Variants in STXBP4 observed in about 807,000 individuals in gnomAD.
The protein encoded by STXBP4 is syntaxin binding protein 4.
In STXBP4, 55 loss-of-function variants were observed where a neutral mutation model predicts 76.1. The observed-to-expected ratio is 0.72, with a 90% CI of 0.58 to 0.91. STXBP4 has a LOEUF of 0.91. STXBP4 is among the 40% of genes least tolerant of loss of function. The probability of loss-of-function intolerance (pLI) is 0.00; values close to 1 mark genes in which losing one functional copy is unlikely to be tolerated. For missense variants in STXBP4, 618 were observed against 636.9 expected, an observed-to-expected ratio of 0.97 and a Z score of 0.32; for synonymous variants, 201 against 220.2, an observed-to-expected ratio of 0.91 and a Z score of 0.77.
rs1160603547 is a variant in STXBP4 at position 55,115,422 on chromosome 17, C to T, written c.1490-25888C>T. 1.3e-5 allele frequency among the ~76,000 whole-genome samples: 2 copies of T among 151,630 alleles called. 1 individual carries two copies. Among genetic ancestry groups the T allele is most frequent in the Non-Finnish European group, 3.0e-5 (2 of 67,728 alleles). On this transcript the variant is annotated intron_variant, in intron 16 of 17. Coordinates refer to ENST00000376352, the MANE Select transcript of STXBP4 (RefSeq NM_178509.6). Reference sequence around the variant, plus strand: ...TTCTAATCTAATCAGTCTTATAGTTCTTTGTATGTTTTCATTTGTTCAGGG... The same window carrying T: ...TTCTAATCTAATCAGTCTTATAGTTTTTTGTATGTTTTCATTTGTTCAGGG...
the STXBP4 span, among the ~76,000 whole-genome samples, chr17:55,185,090 A>G: frequency 2.5e-4 from 38 of 152,096 alleles, no homozygotes; most frequent in Non-Finnish European, 2.9e-5. Flanking sequence ...AGGCTGGTCT[A>G]GAACTCCTGG....
At chr17:55,054,446 A>G (rs921496050) in intron 12 of STXBP4, among the ~76,000 whole-genome samples, 1 of 152,178 alleles carries the variant, frequency 6.6e-6, no homozygotes, top group African/African-American at 2.4e-5. Context: ...CTGAGACTAC[A>G]CTGCACTCCA....
intron 8 of STXBP4, among the ~76,000 whole-genome samples, chr17:55,017,423 G>A (rs918493419): frequency 3.3e-5 from 5 of 152,170 alleles, no homozygotes; most frequent in Non-Finnish European, 5.9e-5. Flanking sequence ...TAGCCTAGAT[G>A]CCTAAGGACG....
intron 12 of STXBP4, among the ~76,000 whole-genome samples, chr17:55,053,979 A>G (rs2078893201): frequency 1.3e-5 from 2 of 152,156 alleles, no homozygotes; most frequent in Admixed American, 6.5e-5. Context: ...GAATCTAAGG[A>G]AAAATAGCAG....
chr17:55,037,715 C>T (rs2078627316), intron 10 of STXBP4, among the ~76,000 whole-genome samples: 1 of 152,106 alleles, frequency 6.6e-6, no homozygotes, highest in Non-Finnish European at 1.5e-5. Context: ...ACACCATACT[C>T]ACGTATATAA....
At chr17:54,969,182 C>T (rs971060968) in intron 1 of STXBP4, among the ~76,000 whole-genome samples, 2 of 152,142 alleles carry the variant, frequency 1.3e-5, no homozygotes, top group Non-Finnish European at 2.9e-5. Flanking sequence ...TCTGATGCCC[C>T]TTACAACTTG....
chr17:54,969,082 C>T (rs1272334291), intron 1 of STXBP4, among the ~76,000 whole-genome samples: 1 of 152,174 alleles, frequency 6.6e-6, no homozygotes, highest in African/African-American at 2.4e-5. Flanking sequence ...TATCACCTCT[C>T]TCAGGAAGCC....
chr17:55,146,994 G>A lies in STXBP4; in HGVS notation c.1547+5627G>A, dbSNP rs113677111. Among the ~76,000 whole-genome samples the A allele has an allele frequency of 2.5e-4, 38 of 152,298 alleles. 2 individuals carry two copies. Among genetic ancestry groups the A allele is most frequent in the African/African-American group, 7.9e-4 (33 of 41,560 alleles). On this transcript the variant is annotated intron_variant, in intron 17 of 17. Coordinates refer to ENST00000376352, the MANE Select transcript of STXBP4 (RefSeq NM_178509.6). ...CCAACCCTGGTTCAGTGTAAGAGGC[G>A]CCTACCTAAAAGTATGAATTCCAGA...
chr17:55,035,570 A>G (rs2078586558), intron 10 of STXBP4, among the ~76,000 whole-genome samples: 2 of 151,928 alleles, frequency 1.3e-5, no homozygotes, highest in South Asian at 2.1e-4. Flanking sequence ...TTATTTTCCT[A>G]TGTTTATAAG....
At chr17:55,014,935 G>T (rs906965549) in intron 8 of STXBP4, among the ~76,000 whole-genome samples, 15 of 151,018 alleles carry the variant, frequency 9.9e-5, no homozygotes, top group Non-Finnish European at 7.4e-5. Flanking sequence ...TGTCCCGTTT[G>T]TCCCGTTCTG....
In STXBP4 at chr17:55,172,999, A is replaced by G. The variant is rs1375286667; in HGVS notation, c.*13088A>G. 1 of 152,210 alleles carries G rather than the reference A, an allele frequency of 6.6e-6. No homozygotes were observed. The highest frequency in any genetic ancestry group is 1.5e-5 in the Non-Finnish European group (1 of 68,038). The allele number at this position is 152,210 out of a possible 1,614,324, so 9.4% of individuals were successfully genotyped here. ...TGCTGGAGCACCTTCTACTTCTAGAAAGATGTTGAGGGGCTTCCAGGGCAC... is the reference window on the plus strand; with the variant it reads ...TGCTGGAGCACCTTCTACTTCTAGAGAGATGTTGAGGGGCTTCCAGGGCAC... On this transcript the variant is annotated 3_prime_UTR_variant, in exon 18 of 18. Coordinates refer to ENST00000376352, the MANE Select transcript of STXBP4 (RefSeq NM_178509.6).
intron 3 of STXBP4, among the ~76,000 whole-genome samples, chr17:54,990,528 CCT>C (rs1285569779): frequency 1.3e-5 from 2 of 152,168 alleles, no homozygotes; most frequent in East Asian, 3.9e-4. Flanking sequence ...CAGGGCTCCC[CCT>C]GATTCTACAT....
At chr17:55,122,875 T>C (rs1350635998) in intron 16 of STXBP4, among the ~76,000 whole-genome samples, 1 of 152,184 alleles carries the variant, frequency 6.6e-6, no homozygotes, top group Non-Finnish European at 1.5e-5. Flanking sequence ...TTACAAGTAT[T>C]TTATCCAGTC....
the STXBP4 span, among the ~76,000 whole-genome samples, chr17:55,199,352 A>G: frequency 6.6e-6 from 1 of 152,220 alleles, no homozygotes; most frequent in Non-Finnish European, 1.5e-5. Flanking sequence ...AAATTATAGG[A>G]AGTGATCAAA....
At chr17:55,068,911 G>T (rs2043167115) in intron 12 of STXBP4, among the ~76,000 whole-genome samples, 2 of 152,020 alleles carry the variant, frequency 1.3e-5, no homozygotes, top group Admixed American at 6.6e-5. Context: ...CCTTGTGGGG[G>T]AAAAGTACTG....
intron 10 of STXBP4, among the ~76,000 whole-genome samples, chr17:55,034,849 G>T (rs1349151827): frequency 6.6e-6 from 1 of 151,934 alleles, no homozygotes; most frequent in Non-Finnish European, 1.5e-5. Flanking sequence ...TGTAAAATGG[G>T]ATTGTGAAGT....
chr17:55,064,652 C>T (rs1567745029), intron 12 of STXBP4, among the ~76,000 whole-genome samples: 1 of 152,024 alleles, frequency 6.6e-6, no homozygotes, highest in Non-Finnish European at 1.5e-5. Context: ...CCACCCGCCA[C>T]CCGCCACCAT....
the STXBP4 span, among the ~76,000 whole-genome samples, chr17:55,205,832 A>C: frequency 6.6e-6 from 1 of 152,132 alleles, no homozygotes; most frequent in Non-Finnish European, 1.5e-5. Context: ...AATATTTATC[A>C]AACTTTAAAA....
intron 1 of STXBP4, among the ~76,000 whole-genome samples, chr17:54,976,174 G>T (rs1160870602): frequency 6.6e-6 from 1 of 152,176 alleles, no homozygotes. Flanking sequence ...AGGCAGTCCG[G>T]TAGCCTAAGG....
Sources: allele counts gnomAD v4.1 joint callset (sites outside exome capture counted in the v4.1 genomes callset), GRCh38; gene constraint gnomAD v4.1.1; transcripts MANE v1.5; gene names NCBI Gene and HGNC (gene_info 2026-07-23, HGNC 2026-07-21).